Variants in PROZ observed in about 807,000 individuals in gnomAD.
The protein encoded by PROZ is protein Z, vitamin K dependent plasma glycoprotein, also known as vitamin K-dependent protein Z.
PROZ carries 46 observed loss-of-function variants against 34.9 expected under a neutral mutation model. The observed-to-expected ratio is 1.32, with a 90% CI of 1.04 to 1.69. The LOEUF is 1.69. Ranked by LOEUF, PROZ falls within the 40% of genes most tolerant of loss-of-function variation. The pLI, the probability that PROZ is intolerant of heterozygous loss-of-function variation, is 0.00. For missense variants in PROZ, 530 were observed against 520.4 expected (o/e 1.02, Z -0.18); for synonymous variants, 195 against 208.5 (o/e 0.94, Z 0.56).
chr13:113,170,906 G>A (rs2037091087), intron 7 of PROZ, among the ~76,000 whole-genome samples: 1 of 150,566 alleles, frequency 6.6e-6, no homozygotes, highest in Admixed American at 6.7e-5. Flanking sequence ...CTTCTCATCG[G>A]CTTATCTGTG....
At position 113,159,929 on chromosome 13, in the gene PROZ, C is replaced by A; in HGVS notation, c.71-85C>A. On this transcript the variant is annotated intron_variant, in intron 1 of 7. Coordinates refer to ENST00000375547, the MANE Select transcript of PROZ (RefSeq NM_003891.3). The surrounding 1 kb of genome is among the most constrained non-coding windows in gnomAD (Gnocchi z 4.6). The stretch of plus-strand genomic sequence containing the variant: ...TGGAGACGGACGGGGCTGGGGCTGG[C>A]GGCCGGCCGGGGAGGAAGCCAGGCA... 3 of 1,533,172 alleles carry A rather than the reference C, an allele frequency of 2.0e-6. No individual in the cohort carries two copies. The highest frequency in any genetic ancestry group is 1.1e-5 in the South Asian group (1 of 89,194). 95.0% of individuals were successfully genotyped at this position (1,533,172 alleles called of 1,614,324 possible). A position where few individuals can be genotyped will look rare whatever the true frequency, so the allele number is the denominator to read the frequency against.
rs927882888 is a variant in PROZ at position 113,164,399 on chromosome 13, T to C, written c.374-114T>C. ...ACATGGACCAACACACCAGAACTCT[T>C]GTGTGCAAGGCTGTGATAAAATGAA... is the stretch of plus-strand genomic sequence containing the variant. On this transcript the variant is annotated intron_variant, in intron 4 of 7. Coordinates refer to ENST00000375547, the MANE Select transcript of PROZ (RefSeq NM_003891.3). The C allele has an allele frequency of 1.7e-3, 2,114 of 1,217,872 alleles. 3 individuals carry two copies. The highest frequency in any genetic ancestry group is 2.1e-3 in the Non-Finnish European group (1,784 of 849,190). The allele number at this position is 1,217,872 out of a possible 1,614,324, so 75.4% of individuals were successfully genotyped here.
chr13:113,160,094 G>T lies in PROZ; in HGVS notation c.151G>T (p.Glu51Ter), dbSNP rs759057455. ...CTCCTATCTTCTGGAAGAACTCTTC[G>T]AGGGAAACTTGGAAAAAGAATGTTA... ...AGSYLLEELF[E>*]GNLEKECYEE... Residue 51 changes from glutamate to a stop codon, truncating the protein, a stop_gained, in exon 2 of 8, where the codon GAG becomes TAG. Coordinates refer to ENST00000375547, the MANE Select transcript of PROZ (RefSeq NM_003891.3). LOFTEE classifies it high-confidence loss of function. 3 of 1,614,132 alleles carry T rather than the reference G, an allele frequency of 1.9e-6. No individual in the cohort carries two copies. Among genetic ancestry groups the T allele is most frequent in the Non-Finnish European group, 2.5e-6 (3 of 1,180,018 alleles).
At chr13:113,168,419 G>A (rs957559115) in intron 6 of PROZ, among the ~76,000 whole-genome samples, 5 of 152,216 alleles carry the variant, frequency 3.3e-5, no homozygotes, top group South Asian at 2.1e-4. Context: ...AAGGCATTGC[G>A]TCTGGCGCAG....
intron 6 of PROZ, among the ~76,000 whole-genome samples, chr13:113,168,738 CTTTTT>C (rs1555398337): frequency 6.6e-6 from 1 of 151,872 alleles, no homozygotes; most frequent in Non-Finnish European, 1.5e-5. Context: ...TCATAATTTT[CTTTTT>C]TTTGAGACCG....
chr13:113,171,482 T>C lies in PROZ; in HGVS notation c.692-112T>C. The C allele has an allele frequency of 7.3e-7, 1 of 1,372,252 alleles. No homozygotes were observed. The highest frequency in any genetic ancestry group is 1.0e-6 in the Non-Finnish European group (1 of 988,550). 85.0% of individuals were successfully genotyped at this position (1,372,252 alleles called of 1,614,324 possible). ...CACCACGGGGCGGTGAGCCTGCGGG[T>C]CCTCCAGGGCCGGTCTCTCCCTCCT... On this transcript the variant is annotated intron_variant, in intron 7 of 7. Coordinates refer to ENST00000375547, the MANE Select transcript of PROZ (RefSeq NM_003891.3). This position sits in a 1 kb window ranked among gnomAD's most constrained non-coding sequence, Gnocchi z 5.1.
intron 6 of PROZ, among the ~76,000 whole-genome samples, chr13:113,166,604 G>C (rs2036941430): frequency 1.3e-5 from 2 of 152,246 alleles, no homozygotes; most frequent in South Asian, 2.1e-4. Flanking sequence ...AAACCGAAGG[G>C]AGGCAAAGCA....
rs2036709311 is a variant in PROZ at position 113,158,914 on chromosome 13, A to G, written c.70+184A>G. Among the ~76,000 whole-genome samples the G allele has an allele frequency of 1.3e-5, 2 of 150,848 alleles. No individual in the cohort carries two copies. The highest frequency in any genetic ancestry group is 3.0e-5 in the Non-Finnish European group (2 of 67,720). ...TTTGGTGACAAGTATTTGGGACATGATAGTGTCACTTGGGGTCCTCCCAAG... is the reference window on the plus strand; with the variant it reads ...TTTGGTGACAAGTATTTGGGACATGGTAGTGTCACTTGGGGTCCTCCCAAG... On this transcript the variant is annotated intron_variant, in intron 1 of 7. Transcript: ENST00000375547. The surrounding 1 kb of genome is among the most constrained non-coding windows in gnomAD (Gnocchi z 4.3).
Position 113,160,017 on chromosome 13 carries a change from T to C in PROZ, c.74T>C (p.Phe25Ser). ...TGCCTTCTTGTCTCGTCTGTAGTAT[T>C]TCTCCCGGCCTCCAAAGCAAACGAC... ...LALHRVEPSV[F>S]LPASKANDVL... Residue 25 changes from phenylalanine (F) to serine (S), a missense_variant, in exon 2 of 8, where the codon TTT (phenylalanine) becomes TCT (serine). Physicochemically the swap from Phe to Ser is radical, Grantham distance 155. Coordinates refer to ENST00000375547, the MANE Select transcript of PROZ (RefSeq NM_003891.3). 1 of 1,614,004 alleles carries C rather than the reference T, an allele frequency of 6.2e-7. No individual in the cohort carries two copies.
Position 113,159,238 on chromosome 13 carries a change from C to G in PROZ, c.70+508C>G, listed in dbSNP as rs1276459434. Reference sequence around the variant, plus strand: ...GAACGACATGGACTCCATTCTGACTCTGCCTGCACAGGCGTCCAGGAAAGC... The same window carrying G: ...GAACGACATGGACTCCATTCTGACTGTGCCTGCACAGGCGTCCAGGAAAGC... On this transcript the variant is annotated intron_variant, in intron 1 of 7. Coordinates refer to ENST00000375547, the MANE Select transcript of PROZ (RefSeq NM_003891.3). The surrounding 1 kb of genome is among the most constrained non-coding windows in gnomAD (Gnocchi z 4.6). The G allele has an allele frequency of 1.9e-6, 3 of 1,549,010 alleles. No homozygotes were observed. The highest frequency in any genetic ancestry group is 1.4e-5 in the African/African-American group (1 of 73,008).
At chr13:113,164,019 G>A (rs893764810) in intron 4 of PROZ, among the ~76,000 whole-genome samples, 4 of 147,638 alleles carry the variant, frequency 2.7e-5, no homozygotes, top group Non-Finnish European at 4.5e-5. Flanking sequence ...TCGCTCTGTC[G>A]CCAGGCTGGA....
At chr13:113,169,642 G>A (rs759245496) in intron 6 of PROZ, among the ~76,000 whole-genome samples, 2 of 152,260 alleles carry the variant, frequency 1.3e-5, no homozygotes, top group Non-Finnish European at 2.9e-5. Context: ...CAAGTCTAGA[G>A]CTAGTTATTC....
rs1489517730 is a variant in PROZ, at chr13:113,171,146, C to G, written c.692-448C>G. ...GCTATGTTGGAAAAGCTGGTCTTTA[C>G]TCCTGGCCTTAAGTGATCGACCTGC... On this transcript the variant is annotated intron_variant, in intron 7 of 7. Transcript: ENST00000375547. The surrounding 1 kb of genome is among the most constrained non-coding windows in gnomAD (Gnocchi z 5.1). Among the ~76,000 whole-genome samples, 3 of 152,108 alleles carry G rather than the reference C, an allele frequency of 2.0e-5. No individual in the cohort carries two copies. Among genetic ancestry groups the G allele is most frequent in the African/African-American group, 7.2e-5 (3 of 41,402 alleles).
At position 113,159,057 on chromosome 13, in the gene PROZ, GA is replaced by G; in HGVS notation, c.70+328del. ...GCCTGGGTTGGGCATTGGACGAGGG[GA>G]GGGGGTGGGGCAGGCTGAGCCCAGA... On this transcript the variant is annotated intron_variant, in intron 1 of 7. Transcript: ENST00000375547. The surrounding 1 kb of genome is among the most constrained non-coding windows in gnomAD (Gnocchi z 4.6). The G allele has an allele frequency of 2.0e-5, 14 of 694,076 alleles. No homozygotes were observed. The highest frequency in any genetic ancestry group is 2.5e-6 in the Non-Finnish European group (1 of 394,498). The allele number at this position is 694,076 out of a possible 1,614,324, so 43.0% of individuals were successfully genotyped here. A position where few individuals can be genotyped will look rare whatever the true frequency, so the allele number is the denominator to read the frequency against.
chr13:113,172,094 ATC>A lies in PROZ; in HGVS notation c.1193_1194del (p.Ile398AsnfsTer30), dbSNP rs747865042. On this transcript the variant is annotated frameshift_variant, in exon 8 of 8. Transcript: ENST00000375547. LOFTEE classifies it high-confidence loss of function. ...CAGGTACTCACTCTGGTTTAAACAGATCATGAACTAACTGAAACTCAGCTAGC... is the reference window on the plus strand; with the variant it reads ...CAGGTACTCACTCTGGTTTAAACAGAATGAACTAACTGAAACTCAGCTAGC... ...VSRYSLWFKQIMN is the reference protein window; with the variant it reads ...VSRYSLWFKQXMN 1 of 1,612,742 alleles carries A rather than the reference ATC, an allele frequency of 6.2e-7. No homozygotes were observed. The highest frequency in any genetic ancestry group is 8.5e-7 in the Non-Finnish European group (1 of 1,179,950).
intron 3 of PROZ, 109 bp downstream of exon 3, chr13:113,161,081 C>T (rs1020958021): frequency 1.2e-5 from 12 of 981,358 alleles, no homozygotes; most frequent in Non-Finnish European, 2.0e-5. Context: ...AAGCCTCTGG[C>T]TCCAGGACCC....
Position 113,159,115 on chromosome 13 carries a change from G to T in PROZ, c.70+385G>T. 8.8e-7 allele frequency: 1 copy of T among 1,137,094 alleles called. No homozygotes were observed. Among genetic ancestry groups the T allele is most frequent in the Non-Finnish European group, 1.3e-6 (1 of 775,318 alleles). The allele number at this position is 1,137,094 out of a possible 1,614,324, so 70.4% of individuals were successfully genotyped here. On this transcript the variant is annotated intron_variant, in intron 1 of 7. Coordinates refer to ENST00000375547, the MANE Select transcript of PROZ (RefSeq NM_003891.3). This position sits in a 1 kb window ranked among gnomAD's most constrained non-coding sequence, Gnocchi z 4.6. ...TGTGGGCAGAGAGAGCCTTGGCCAG[G>T]CCAGCCAGGAATGCCCAGTCTTGAG...
At chr13:113,168,837 TC>T (rs997164140) in intron 6 of PROZ, among the ~76,000 whole-genome samples, 2 of 152,154 alleles carry the variant, frequency 1.3e-5, no homozygotes, top group African/African-American at 4.8e-5. Context: ...CAGGTGATCC[TC>T]CCACCTCAGC....
chr13:113,164,602 G>A lies in PROZ; in HGVS notation c.463G>A (p.Gly155Ser). ...QESYTCSCAQGYRLGEDHKQC... is the reference protein window; with the variant it reads ...QESYTCSCAQSYRLGEDHKQC... The stretch of plus-strand genomic sequence containing the variant: ...ATCCTACACATGCAGCTGTGCTCAG[G>A]GCTACAGGCTTGGTGAGGACCACAA... Residue 155 changes from glycine (G) to serine (S), a missense_variant, in exon 5 of 8, where the codon GGC (glycine) becomes AGC (serine). Gly to Ser is a moderately conservative substitution (Grantham distance 56, BLOSUM62 0). Coordinates refer to ENST00000375547, the MANE Select transcript of PROZ (RefSeq NM_003891.3). 1 of 1,613,944 alleles carries A rather than the reference G, an allele frequency of 6.2e-7. No individual in the cohort carries two copies. Among genetic ancestry groups the A allele is most frequent in the Non-Finnish European group, 8.5e-7 (1 of 1,180,004 alleles).
Sources: gnomAD v4.1 joint callset for allele counts (sites outside exome capture counted in the v4.1 genomes callset) on GRCh38, gnomAD v4.1.1 for gene constraint, Gnocchi (gnomAD v3.1) non-coding constraint, MANE v1.5 for transcripts, NCBI Gene and HGNC (gene_info 2026-07-23, HGNC 2026-07-21) for gene names.